Variants in KIF13B observed in about 807,000 individuals in gnomAD.
The protein encoded by KIF13B is kinesin family member 13B.
A neutral mutation model predicts 222.0 loss-of-function variants in KIF13B; 127 were observed. That is an observed-to-expected ratio of 0.57 (90% CI 0.50 to 0.66). The LOEUF (loss-of-function observed/expected upper bound fraction) is 0.66, where lower values mean the gene tolerates loss of function less well. Among genes scored for constraint, KIF13B ranks in the 30% least tolerant of loss-of-function variants. KIF13B has a pLI of 0.00. For synonymous variants in KIF13B, 976 were observed against 919.0 expected (o/e 1.06, Z -1.12); for missense variants, 2,173 against 2,379.0 (o/e 0.91, Z 1.80).
chr8:29,186,394 T>C lies in KIF13B; in HGVS notation c.395A>G (p.Glu132Gly), dbSNP rs749932898. 1 of 1,613,884 alleles carries C rather than the reference T, an allele frequency of 6.2e-7. No homozygotes were observed. Among genetic ancestry groups the C allele is most frequent in the South Asian group, 1.1e-5 (1 of 91,086 alleles). The change falls in exon 6 of 40, where the codon GAA becomes GGA. Residue 132 changes from glutamate to glycine, a missense_variant. Glu to Gly is a moderately conservative substitution (Grantham distance 98). Coordinates refer to ENST00000524189, the MANE Select transcript of KIF13B (RefSeq NM_015254.4). ...TTCATTTTCCTCTTTCTGAGTTCGT[T>C]CAAAGAGTCCACTGCAAAGTCTTGG... ...LIPRLCSGLFERTQKEENEEQ... is the reference protein window; with the variant it reads ...LIPRLCSGLFGRTQKEENEEQ...
intron 12 of KIF13B, among the ~76,000 whole-genome samples, chr8:29,165,417 T>A (rs1271319555): frequency 2.0e-5 from 3 of 152,144 alleles, no homozygotes; most frequent in East Asian, 1.9e-4. Flanking sequence ...TTTCATTAAA[T>A]TTTTTTTAAA....
chr8:29,180,450 C>T (rs1812665877), intron 7 of KIF13B, among the ~76,000 whole-genome samples: 1 of 152,210 alleles, frequency 6.6e-6, no homozygotes, highest in Non-Finnish European at 1.5e-5. Context: ...GCTACAGGTA[C>T]AGAGGTGGCA....
chr8:29,122,935 G>A (rs1288923764), intron 28 of KIF13B, among the ~76,000 whole-genome samples: 1 of 152,150 alleles, frequency 6.6e-6, no homozygotes, highest in Non-Finnish European at 1.5e-5. Context: ...GGCTTCCTCT[G>A]GCTAAATTTA....
Position 29,222,790 on chromosome 8 carries a change from T to C in KIF13B, c.149+22556A>G, listed in dbSNP as rs13265824. Among the ~76,000 whole-genome samples the C allele has an allele frequency of 1.3e-4, 20 of 152,230 alleles. No homozygotes were observed. The South Asian group carries it at 2.3e-3, about 17-fold the overall frequency. ...TTACACCTGCTACTGTTTCACTTAG[T>C]GGCACTTTGCTTAACCTGTTATACA... On this transcript the variant is annotated intron_variant, in intron 2 of 39. Transcript: ENST00000524189.
At chr8:29,082,392 G>A (rs954730987) in intron 37 of KIF13B, among the ~76,000 whole-genome samples, 3 of 151,952 alleles carry the variant, frequency 2.0e-5, no homozygotes, top group East Asian at 1.9e-4. Flanking sequence ...AAAAGATATC[G>A]CTTCTGATTT....
intron 2 of KIF13B, among the ~76,000 whole-genome samples, chr8:29,209,782 C>T (rs912252212): frequency 1.3e-4 from 20 of 150,224 alleles, no homozygotes; most frequent in Non-Finnish European, 4.4e-5. Context: ...CTGAATGTGG[C>T]GGCTCATGTC....
At chr8:29,119,643 T>A (rs2129704848) in intron 29 of KIF13B, among the ~76,000 whole-genome samples, 1 of 152,278 alleles carries the variant, frequency 6.6e-6, no homozygotes, top group African/African-American at 2.4e-5. Context: ...TGCATATGCC[T>A]GCCTGCACCC....
chr8:29,146,034 T>A, intron 18 of KIF13B: 2 of 487,800 alleles, frequency 4.1e-6, no homozygotes, highest in South Asian at 2.7e-5. Context: ...GGAGAAGGGG[T>A]TGTAGAGTGG....
At chr8:29,257,153 A>G (rs1241982869) in intron 1 of KIF13B, among the ~76,000 whole-genome samples, 4 of 152,124 alleles carry the variant, frequency 2.6e-5, no homozygotes, top group African/African-American at 9.7e-5. Context: ...AAAAGCAGCT[A>G]TTTTCTTTTT....
chr8:29,164,031 A>G (rs1266172311), intron 12 of KIF13B, among the ~76,000 whole-genome samples: 2 of 152,254 alleles, frequency 1.3e-5, no homozygotes, highest in East Asian at 3.8e-4. Flanking sequence ...AGATAAGCCA[A>G]TGCAGGGACA....
At chr8:29,073,090 TATGAGGAGGGGG>T (rs1563678212) in intron 38 of KIF13B, among the ~76,000 whole-genome samples, 12 of 31,198 alleles carry the variant, frequency 3.8e-4, no homozygotes, top group South Asian at 3.3e-3. Flanking sequence ...CGAGGAGGGG[TATGAGGAGGGGG>T]ACGAGGAGGG....
intron 26 of KIF13B, 82 bp from the exon 27 acceptor site, chr8:29,124,205 T>TA: frequency 2.5e-6 from 2 of 809,440 alleles, no homozygotes; most frequent in South Asian, 3.3e-5. Flanking sequence ...TACCTTGCTC[T>TA]ACTATGCCTT....
chr8:29,223,766 A>G (rs1814877273), intron 2 of KIF13B, among the ~76,000 whole-genome samples: 1 of 152,186 alleles, frequency 6.6e-6, no homozygotes, highest in African/African-American at 2.4e-5. Flanking sequence ...ATCTCGGCTC[A>G]CTGCAACCTC....
intron 2 of KIF13B, among the ~76,000 whole-genome samples, chr8:29,222,348 C>T (rs764762771): frequency 6.6e-6 from 1 of 151,966 alleles, no homozygotes; most frequent in Non-Finnish European, 1.5e-5. Context: ...GACAGCAAGA[C>T]CCCGTCTCAA....
chr8:29,102,846 CTAATCT>C (rs1445155367), intron 35 of KIF13B, among the ~76,000 whole-genome samples: 2 of 152,190 alleles, frequency 1.3e-5, no homozygotes, highest in Non-Finnish European at 2.9e-5. Context: ...ATGCTATTGA[CTAATCT>C]TAATTTCCTC....
In KIF13B at chr8:29,070,473, C is replaced by A; in HGVS notation, c.*31G>T. The A allele has an allele frequency of 6.2e-7, 1 of 1,604,476 alleles. No individual in the cohort carries two copies. Among genetic ancestry groups the A allele is most frequent in the Non-Finnish European group, 8.5e-7 (1 of 1,175,946 alleles). ...GGCAGGGCTCAAAAGGGGCCGGGCACCCCCAGAAAAGTTCGCCCTAAGGCA... is the reference window on the plus strand; with the variant it reads ...GGCAGGGCTCAAAAGGGGCCGGGCAACCCCAGAAAAGTTCGCCCTAAGGCA... On this transcript the variant is annotated 3_prime_UTR_variant, in exon 40 of 40. Transcript: ENST00000524189. The surrounding 1 kb of genome is among the most constrained non-coding windows in gnomAD (Gnocchi z 4.1).
At chr8:29,097,462 G>A (rs1165006915) in intron 36 of KIF13B, among the ~76,000 whole-genome samples, 1 of 152,104 alleles carries the variant, frequency 6.6e-6, no homozygotes, top group Non-Finnish European at 1.5e-5. Context: ...AGATCCAGAG[G>A]ATTTGAACAA....
At chr8:29,083,268 T>C (rs1807896906) in intron 37 of KIF13B, among the ~76,000 whole-genome samples, 1 of 152,202 alleles carries the variant, frequency 6.6e-6, no homozygotes, top group African/African-American at 2.4e-5. Context: ...AAATTTCAGG[T>C]TATCAAGTTT....
intron 2 of KIF13B, among the ~76,000 whole-genome samples, chr8:29,234,632 C>T (rs1046323215): frequency 2.2e-5 from 3 of 137,790 alleles, no homozygotes; most frequent in Admixed American, 1.5e-4. Context: ...GAACTGTATA[C>T]ACATAAAAAT....
Sources: gnomAD v4.1 joint callset for allele counts (sites outside exome capture counted in the v4.1 genomes callset) on GRCh38, gnomAD v4.1.1 for gene constraint, Gnocchi (gnomAD v3.1) non-coding constraint, MANE v1.5 for transcripts, NCBI Gene and HGNC (gene_info 2026-07-23, HGNC 2026-07-21) for gene names.